Variants in CTRB1 observed in about 807,000 individuals in gnomAD.
The protein encoded by CTRB1 is chymotrypsinogen B1.
Under a neutral mutation model 20.4 loss-of-function variants are expected in CTRB1, and 15 were observed. The ratio of observed to expected loss-of-function variants is 0.74; its 90% CI spans 0.49 to 1.13. The LOEUF is 1.13. Ranked by LOEUF, CTRB1 falls within the 50% of genes most tolerant of loss-of-function variation. The pLI is 0.00. For missense variants in CTRB1, 227 were observed against 290.1 expected (o/e 0.78, Z 1.58); for synonymous variants, 92 against 128.4 (o/e 0.72, Z 1.92).
At chr16:75,219,145 G>T in intron 1 of CTRB1, 86 bp downstream of exon 1, 1 of 1,416,732 alleles carries the variant, frequency 7.1e-7, no homozygotes, top group East Asian at 2.5e-5. Context: ...TCTGCCCCCT[G>T]GGGCCTCATC....
At chr16:75,224,240 G>A (rs779495165) in intron 6 of CTRB1, 52 bp downstream of exon 6, 1 of 1,505,074 alleles carries the variant, frequency 6.6e-7, no homozygotes, top group African/African-American at 1.4e-5. Flanking sequence ...TGCAGGGGAG[G>A]TCTGGGCTTT....
rs2076714484 is a variant in CTRB1, at chr16:75,224,109, C to A, written c.551C>A (p.Ala184Asp). 3.3e-5 allele frequency: 45 copies of A among 1,359,578 alleles called. No individual in the cohort carries two copies. Among genetic ancestry groups the A allele is most frequent in the Non-Finnish European group, 4.6e-5 (45 of 988,464 alleles). The allele number at this position is 1,359,578 out of a possible 1,614,324, so 84.2% of individuals were successfully genotyped here. ...GCAGCCCTGCCCCTCCTGTCCAATG[C>A]CGAATGCAAGAAGTCCTGGGGCAGG... ...QQAALPLLSN[A>D]ECKKSWGRRI... Residue 184 changes from alanine (A) to aspartate (D), a missense_variant, in exon 6 of 7, where the codon GCC becomes GAC. Transcript: ENST00000361017.
chr16:75,224,836 T>G lies in CTRB1; in HGVS notation c.762T>G (p.Pro254=). The G allele has an allele frequency of 6.2e-7, 1 of 1,613,876 alleles. No homozygotes were observed. ...ACGCCCGTGTCACCAAGCTCATACC[T>G]TGGGTGCAGAAGATCCTGGCTGCCA... is the stretch of plus-strand genomic sequence containing the variant. The part of the protein sequence containing the change: ...GVYARVTKLI[P]WVQKILAAN The change falls in exon 7 of 7, where the codon CCT becomes CCG. Residue 254 remains proline (P), a synonymous_variant. Transcript: ENST00000361017.
intron 1 of CTRB1, 151 bp from the exon 2 acceptor site, chr16:75,222,617 C>G: frequency 1.3e-6 from 1 of 793,998 alleles, no homozygotes; most frequent in South Asian, 1.9e-5. Flanking sequence ...AGCCTAGAGA[C>G]TTGGGGACCA....
chr16:75,220,989 C>T (rs1471534249), intron 1 of CTRB1, among the ~76,000 whole-genome samples: 1 of 152,166 alleles, frequency 6.6e-6, no homozygotes, highest in African/African-American at 2.4e-5. Flanking sequence ...AACTCCTGAC[C>T]TTGTGATCCA....
rs1468304725 is a variant in CTRB1, at chr16:75,224,136, G to A, written c.578G>A (p.Arg193Lys). The change falls in exon 6 of 7, where the codon AGG (arginine) becomes AAG (lysine). Residue 193 changes from arginine (R) to lysine (K), a missense_variant. Physicochemically the swap from Arg to Lys is conservative, Grantham distance 26. Around this residue, in one of 4 missense-constraint regions of CTRB1, gnomAD observed 36 missense variants for 51.6 expected, o/e 0.70. Coordinates refer to ENST00000361017, the MANE Select transcript of CTRB1 (RefSeq NM_001906.6). ...GAATGCAAGAAGTCCTGGGGCAGGA[G>A]GATCACCGACGTGATGATCTGTGCC... ...NAECKKSWGR[R>K]ITDVMICAGA... The A allele has an allele frequency of 5.0e-5, 72 of 1,449,236 alleles. No homozygotes were observed. In the African/African-American group the frequency reaches 8.7e-4, roughly 18 times the overall value. 89.8% of individuals were successfully genotyped at this position (1,449,236 alleles called of 1,614,324 possible).
intron 1 of CTRB1, among the ~76,000 whole-genome samples, chr16:75,220,355 T>C (rs571765915): frequency 1.3e-5 from 2 of 152,204 alleles, no homozygotes; most frequent in South Asian, 4.2e-4. Context: ...GGCTAATTTT[T>C]GTATTTTTAA....
chr16:75,222,278 C>T (rs556823637), intron 1 of CTRB1, among the ~76,000 whole-genome samples: 1 of 152,240 alleles, frequency 6.6e-6, no homozygotes, highest in African/African-American at 2.4e-5. Flanking sequence ...ATTGTCAGAG[C>T]CCCAGATTCC....
intron 1 of CTRB1, among the ~76,000 whole-genome samples, chr16:75,219,916 T>C (rs1247420946): frequency 6.6e-6 from 1 of 152,242 alleles, no homozygotes; most frequent in Non-Finnish European, 1.5e-5. Context: ...TTGTACTACA[T>C]ATTTTTATAC....
Position 75,224,813 on chromosome 16 carries a change from G to T in CTRB1, c.739G>T (p.Ala247Ser). The part of the protein sequence containing the change: ...TCSTSSPGVY[A>S]RVTKLIPWVQ... ...CTCCACCTCCAGCCCTGGCGTGTAC[G>T]CCCGTGTCACCAAGCTCATACCTTG... The change falls in exon 7 of 7, where the codon GCC becomes TCC. Residue 247 changes from alanine (A) to serine (S), a missense_variant. By Grantham distance (99) the Ala-to-Ser change is moderately conservative. Transcript: ENST00000361017. The T allele has an allele frequency of 6.2e-7, 1 of 1,613,956 alleles. No homozygotes were observed. Among genetic ancestry groups the T allele is most frequent in the Non-Finnish European group, 8.5e-7 (1 of 1,180,022 alleles).
At chr16:75,220,542 C>T (rs1215037919) in intron 1 of CTRB1, among the ~76,000 whole-genome samples, 2 of 152,186 alleles carry the variant, frequency 1.3e-5, no homozygotes, top group Non-Finnish European at 2.9e-5. Flanking sequence ...GTGATCTGCT[C>T]ACCTCAACCT....
chr16:75,224,288 TC>T (rs2151376944), intron 6 of CTRB1, 100 bp downstream of exon 6: 1 of 1,545,400 alleles, frequency 6.5e-7, no homozygotes, highest in African/African-American at 1.4e-5. Flanking sequence ...CCCCACTCCT[TC>T]CTGGGTGTCA....
rs149350644 is a variant in CTRB1 at position 75,222,593 on chromosome 16, G to T, written c.53-175G>T. The T allele has an allele frequency of 2.0e-4, 132 of 665,290 alleles. 1 individual carries two copies. In the East Asian group the frequency reaches 3.6e-3, roughly 18 times the overall value. The allele number at this position is 665,290 out of a possible 1,614,324, so 41.2% of individuals were successfully genotyped here. On this transcript the variant is annotated intron_variant, in intron 1 of 6. Coordinates refer to ENST00000361017, the MANE Select transcript of CTRB1 (RefSeq NM_001906.6). ...GATGACTGGAGCCAGCAGGCCGAGA[G>T]TTGGGAACGTTTGAGCCTAGAGACT...
rs372989485 is a variant in CTRB1 at position 75,222,775 on chromosome 16, G to T, written c.60G>T (p.Gly20=). 3 of 1,556,644 alleles carry T rather than the reference G, an allele frequency of 1.9e-6. No individual in the cohort carries two copies. The highest frequency in any genetic ancestry group is 2.6e-6 in the Non-Finnish European group (3 of 1,149,590). The change falls in exon 2 of 7, where the codon GGG becomes GGT. Residue 20 remains glycine, a synonymous_variant. Coordinates refer to ENST00000361017, the MANE Select transcript of CTRB1 (RefSeq NM_001906.6). ...FSLVGAAFGC[G]VPAIHPVLSG... ...CACCCCACTCCCCCCCAGGCTGCGGGGTCCCCGCCATCCACCCTGTGCTCA... is the reference window on the plus strand; with the variant it reads ...CACCCCACTCCCCCCCAGGCTGCGGTGTCCCCGCCATCCACCCTGTGCTCA...
At chr16:75,222,588 C>G (rs188722043) in intron 1 of CTRB1, 180 bp from the exon 2 acceptor site, 2 of 649,032 alleles carry the variant, frequency 3.1e-6, no homozygotes, top group East Asian at 2.8e-5. Flanking sequence ...GCCAGCAGGC[C>G]GAGAGTTGGG....
At chr16:75,222,431 C>T (rs565674665) in intron 1 of CTRB1, among the ~76,000 whole-genome samples, 53 of 152,296 alleles carry the variant, frequency 3.5e-4, no homozygotes, top group African/African-American at 1.2e-3. Context: ...CTGCCCTGCC[C>T]GGTCTAGGGT....
At chr16:75,220,698 C>G (rs2039071049) in intron 1 of CTRB1, among the ~76,000 whole-genome samples, 1 of 152,234 alleles carries the variant, frequency 6.6e-6, no homozygotes, top group South Asian at 2.1e-4. Context: ...TCAGCTCATT[C>G]ACCTGCATTT....
rs763848259 is a variant in CTRB1, at chr16:75,224,693, C to T, written c.631-12C>T. On this transcript the variant is annotated splice_polypyrimidine_tract_variant and intron_variant, in intron 6 of 6. Coordinates refer to ENST00000361017, the MANE Select transcript of CTRB1 (RefSeq NM_001906.6). Reference sequence around the variant, plus strand: ...GCTGCCAGATCCAAGCCCCCTTCTCCCTCTCCCACAGGGCGACTCTGGCGG... The same window carrying T: ...GCTGCCAGATCCAAGCCCCCTTCTCTCTCTCCCACAGGGCGACTCTGGCGG... 8 of 1,600,610 alleles carry T rather than the reference C, an allele frequency of 5.0e-6. No homozygotes were observed. The South Asian group carries it at 5.6e-5, about 11-fold the overall frequency.
intron 1 of CTRB1, among the ~76,000 whole-genome samples, chr16:75,222,064 G>GAAAAAAA (rs71158588): frequency 9.2e-6 from 1 of 108,606 alleles, no homozygotes; most frequent in Non-Finnish European, 1.8e-5. Flanking sequence ...GTCTCAAAAA[G>GAAAAAAA]AAAAAAAAAA....
Sources: allele counts gnomAD v4.1 joint callset (sites outside exome capture counted in the v4.1 genomes callset), GRCh38; gene constraint gnomAD v4.1.1; regional missense constraint gnomAD v4.1.1; transcripts MANE v1.5; gene names NCBI Gene and HGNC (gene_info 2026-07-23, HGNC 2026-07-21).